The following PDE11A variants were observed in gnomAD, a reference collection of about 807,000 sequenced individuals.
PDE11A encodes phosphodiesterase 11A, also known as dual 3',5'-cyclic-AMP and -GMP phosphodiesterase 11A.
Under a neutral mutation model 100.5 loss-of-function variants are expected in PDE11A, and 100 were observed. That is an observed-to-expected ratio of 1.00 (90% CI 0.85 to 1.18). PDE11A has a LOEUF of 1.18. Among genes scored for constraint, PDE11A ranks in the 50% most tolerant of loss-of-function variants. The probability of loss-of-function intolerance (pLI) is 0.00; values close to 1 mark genes in which losing one functional copy is unlikely to be tolerated. For synonymous variants in PDE11A, 381 were observed against 420.8 expected, an observed-to-expected ratio of 0.91 and a Z score of 1.16; for missense variants, 1,141 against 1,152.6, an observed-to-expected ratio of 0.99 and a Z score of 0.15.
At chr2:178,108,339 G>T (rs568183737) in exon 1 of PDE11A, 1 of 152,354 alleles carries the variant, frequency 6.6e-6, no homozygotes, top group African/African-American at 2.4e-5. Flanking sequence ...GGCTGCAAGC[G>T]CAGCCGGACG....
intron 13 of PDE11A, among the ~76,000 whole-genome samples, chr2:177,706,708 C>T (rs1194466689): frequency 1.3e-5 from 2 of 152,066 alleles, no homozygotes; most frequent in Non-Finnish European, 2.9e-5. Flanking sequence ...TGATAAACTG[C>T]GTACAAAGTT....
intron 9 of PDE11A, 100 bp downstream of exon 9, chr2:177,816,728 TA>T (rs1235476927): frequency 5.2e-6 from 4 of 773,484 alleles, no homozygotes; most frequent in South Asian, 4.1e-5. Flanking sequence ...GCCCAATGAA[TA>T]ATTAAAATTT....
At chr2:178,107,493 T>C (rs2087633363) in intron 1 of PDE11A, among the ~76,000 whole-genome samples, 1 of 151,216 alleles carries the variant, frequency 6.6e-6, no homozygotes, top group Non-Finnish European at 1.5e-5. Flanking sequence ...CATTTGTATG[T>C]GCTTAGTATG....
intron 1 of PDE11A, among the ~76,000 whole-genome samples, chr2:178,053,790 G>T (rs564507350): frequency 2.7e-4 from 41 of 152,146 alleles, no homozygotes; most frequent in African/African-American, 8.4e-4. Flanking sequence ...AAATACCTAG[G>T]AATACAACTT....
At chr2:177,989,262 G>A (rs780170240) in intron 2 of PDE11A, among the ~76,000 whole-genome samples, 23 of 152,172 alleles carry the variant, frequency 1.5e-4, no homozygotes, top group Non-Finnish European at 3.1e-4. Flanking sequence ...CTAGAGATGT[G>A]GAATGCTGTT....
At position 177,748,764 on chromosome 2, in the gene PDE11A, A is replaced by G. The variant is rs115951370; in HGVS notation, c.1788+20559T>C. ...AAAGCTGCAAATCTATAATTCAAAT[A>G]TTTCTGATCGGACCATAAATCCTGA... On this transcript the variant is annotated intron_variant, in intron 10 of 19. Transcript: ENST00000286063. Among the ~76,000 whole-genome samples, 1,280 of 152,270 alleles carry G rather than the reference A, an allele frequency of 8.4e-3. 24 individuals are homozygous for G. Among genetic ancestry groups the G allele is most frequent in the African/African-American group, 0.024 (1,000 of 41,560 alleles).
intron 9 of PDE11A, among the ~76,000 whole-genome samples, chr2:177,789,354 ACT>A (rs2082592820): frequency 6.6e-6 from 1 of 151,962 alleles, no homozygotes; most frequent in Non-Finnish European, 1.5e-5. Flanking sequence ...CATGCTAAAA[ACT>A]CTCAATAAAT....
intron 1 of PDE11A, among the ~76,000 whole-genome samples, chr2:178,059,883 G>C (rs2086945568): frequency 6.6e-6 from 1 of 152,214 alleles, no homozygotes; most frequent in Admixed American, 6.5e-5. Flanking sequence ...ACGGCATGCA[G>C]TGACTGGATG....
intron 10 of PDE11A, among the ~76,000 whole-genome samples, chr2:177,730,641 T>C (rs993168333): frequency 2.6e-5 from 4 of 152,128 alleles, no homozygotes; most frequent in Admixed American, 2.0e-4. Context: ...GCTCTTCTTT[T>C]GTCGTCTGGA....
chr2:177,971,898 G>A (rs961623756), intron 2 of PDE11A, among the ~76,000 whole-genome samples: 3 of 151,870 alleles, frequency 2.0e-5, no homozygotes, highest in Admixed American at 1.3e-4. Flanking sequence ...AAGACATAAT[G>A]TGATTACCCA....
chr2:178,049,365 G>C (rs1203802961), intron 1 of PDE11A, among the ~76,000 whole-genome samples: 2 of 152,146 alleles, frequency 1.3e-5, no homozygotes, highest in African/African-American at 2.4e-5. Flanking sequence ...CCAGGCTTGG[G>C]GGGGAAGTTC....
At chr2:177,879,757 G>C (rs1326776456) in intron 4 of PDE11A, among the ~76,000 whole-genome samples, 1 of 152,190 alleles carries the variant, frequency 6.6e-6, no homozygotes, top group Non-Finnish European at 1.5e-5. Context: ...CAAAGCCATA[G>C]AACCTGTAGA....
chr2:178,044,410 T>C (rs2086721388), intron 1 of PDE11A, among the ~76,000 whole-genome samples: 1 of 148,396 alleles, frequency 6.7e-6, no homozygotes, highest in Non-Finnish European at 1.5e-5. Flanking sequence ...TATATATATA[T>C]AAACTTTATA....
chr2:178,095,251 T>C (rs929883945), intron 2 of PDE11A, among the ~76,000 whole-genome samples: 11 of 152,172 alleles, frequency 7.2e-5, no homozygotes, highest in African/African-American at 2.7e-4. Context: ...ATAATGGGGA[T>C]ACAAACAATG....
chr2:177,785,869 A>C (rs1308063790), intron 9 of PDE11A, among the ~76,000 whole-genome samples: 1 of 152,194 alleles, frequency 6.6e-6, no homozygotes, highest in African/African-American at 2.4e-5. Flanking sequence ...TGCTTAGGTA[A>C]ACAAAGCAGC....
chr2:177,754,484 G>A lies in PDE11A; in HGVS notation c.1788+14839C>T, dbSNP rs191721465. Among the ~76,000 whole-genome samples the A allele has an allele frequency of 1.2e-4, 18 of 152,320 alleles. No individual in the cohort carries two copies. In the East Asian group the frequency reaches 2.5e-3, roughly 21 times the overall value. The stretch of plus-strand genomic sequence containing the variant: ...TTCCACATACTTTGGTAGAATTTGT[G>A]TTCATACATTTTAAAGCCCAAGCTT... On this transcript the variant is annotated intron_variant, in intron 10 of 19. Transcript: ENST00000286063.
intron 2 of PDE11A, among the ~76,000 whole-genome samples, chr2:177,919,063 A>G (rs867072636): frequency 1.3e-5 from 2 of 152,008 alleles, no homozygotes; most frequent in Non-Finnish European, 2.9e-5. Context: ...ATGAAAACAG[A>G]TAAGAAACAT....
rs1302473447 is a variant in PDE11A at position 178,091,775 on chromosome 2, T to TGG, written c.162+12525_162+12526dup. Among the ~76,000 whole-genome samples the TGG allele has an allele frequency of 1.1e-4, 4 of 37,186 alleles. No homozygotes were observed. The Admixed American group carries it at 1.5e-3, about 13-fold the overall frequency. 24.4% of individuals were successfully genotyped at this position (37,186 alleles called of 152,430 possible). A position where few individuals can be genotyped will look rare whatever the true frequency, so the allele number is the denominator to read the frequency against. ...ATGCGTCTCTTATATTTGCTGTAAG[T>TGG]GGGTGGGGGGGCTCTTTCCACATTT... On this transcript the variant is annotated intron_variant, in intron 2 of 20. Transcript: ENST00000358450.
At chr2:177,925,809 C>A (rs1192199947) in intron 2 of PDE11A, among the ~76,000 whole-genome samples, 1 of 152,168 alleles carries the variant, frequency 6.6e-6, no homozygotes, top group African/African-American at 2.4e-5. Context: ...CCTTGAAAAA[C>A]TAAACTGTGT....
Sources: gnomAD v4.1 joint callset for allele counts (sites outside exome capture counted in the v4.1 genomes callset) on GRCh38, gnomAD v4.1.1 for gene constraint, MANE v1.5 for transcripts, NCBI Gene and HGNC (gene_info 2026-07-23, HGNC 2026-07-21) for gene names.